ADCY5: variants seen among roughly 807,000 people sequenced by gnomAD.
ADCY5 encodes adenylate cyclase type 5.
In ADCY5, 30 loss-of-function variants were observed where a neutral mutation model predicts 119.7. That is an observed-to-expected ratio of 0.25 (90% CI 0.19 to 0.34). The LOEUF (loss-of-function observed/expected upper bound fraction) is 0.34, where lower values mean the gene tolerates loss of function less well. ADCY5 is among the 10% of genes least tolerant of loss of function. ADCY5 has a pLI of 1.00. For missense variants in ADCY5, 1,324 were observed against 1,775.2 expected, an observed-to-expected ratio of 0.75 and a Z score of 4.57; for synonymous variants, 753 against 762.2, an observed-to-expected ratio of 0.99 and a Z score of 0.20.
chr3:123,427,080 T>G (rs992497613), intron 1 of ADCY5, among the ~76,000 whole-genome samples: 2 of 152,114 alleles, frequency 1.3e-5, no homozygotes, highest in African/African-American at 2.4e-5. Flanking sequence ...TTAGTGCCAC[T>G]GGTAACCAAG....
chr3:123,353,481 A>G (rs1942921695), intron 1 of ADCY5, among the ~76,000 whole-genome samples: 1 of 152,164 alleles, frequency 6.6e-6, no homozygotes, highest in South Asian at 2.1e-4. Context: ...TTGGGGCCAC[A>G]TGGAACAGAG....
chr3:123,322,375 TG>T (rs1941264796), intron 8 of ADCY5, among the ~76,000 whole-genome samples: 1 of 152,244 alleles, frequency 6.6e-6, no homozygotes, highest in Non-Finnish European at 1.5e-5. Flanking sequence ...CTGCTGAGGC[TG>T]GTGCATGGGA....
chr3:123,430,473 GAGA>G (rs1262928644), intron 1 of ADCY5, among the ~76,000 whole-genome samples: 2 of 152,174 alleles, frequency 1.3e-5, no homozygotes, highest in Non-Finnish European at 2.9e-5. Context: ...CGAGGCCTCG[GAGA>G]AGGAGGACCG....
At chr3:123,408,800 A>T (rs574181988) in intron 1 of ADCY5, among the ~76,000 whole-genome samples, 2 of 152,124 alleles carry the variant, frequency 1.3e-5, no homozygotes, top group African/African-American at 4.8e-5. Context: ...ACATGGTGAA[A>T]CCCCATCTCT....
At position 123,325,400 on chromosome 3, in the gene ADCY5, G is replaced by A. The variant is rs1024365012; in HGVS notation, c.2010C>T (p.Asn670=). The change falls in exon 8 of 21, where the codon AAC becomes AAT. Residue 670 remains asparagine, a synonymous_variant. Coordinates refer to ENST00000462833, the MANE Select transcript of ADCY5 (RefSeq NM_183357.3). Reference sequence around the variant, plus strand: ...GGCGCTCAGCCCCCCAGTGTGGTGGGTTGTGCCCGATGGAGTTGGTTCTCT... The same window carrying A: ...GGCGCTCAGCCCCCCAGTGTGGTGGATTGTGCCCGATGGAGTTGGTTCTCT... ...NRQRTNSIGH[N]PPHWGAERPF... 6.2e-7 allele frequency: 1 copy of A among 1,614,206 alleles called. No individual in the cohort carries two copies. Among genetic ancestry groups the A allele is most frequent in the Non-Finnish European group, 8.5e-7 (1 of 1,180,024 alleles).
At chr3:123,321,034 A>C (rs572550318) in intron 8 of ADCY5, among the ~76,000 whole-genome samples, 1 of 152,080 alleles carries the variant, frequency 6.6e-6, no homozygotes, top group Non-Finnish European at 1.5e-5. Context: ...CCATGTGTCT[A>C]AGCTCTTCCT....
intron 1 of ADCY5, among the ~76,000 whole-genome samples, chr3:123,428,514 A>C (rs901124798): frequency 6.6e-6 from 1 of 152,160 alleles, no homozygotes; most frequent in Non-Finnish European, 1.5e-5. Context: ...GTCCTCTGAG[A>C]ATCACCAGGC....
intron 1 of ADCY5, among the ~76,000 whole-genome samples, chr3:123,420,714 C>T (rs892148793): frequency 3.3e-5 from 5 of 152,228 alleles, no homozygotes; most frequent in Non-Finnish European, 5.9e-5. Context: ...ACCATACCCC[C>T]TTCAGATCCT....
At chr3:123,445,868 T>G (rs1453570940) in intron 1 of ADCY5, among the ~76,000 whole-genome samples, 1 of 152,160 alleles carries the variant, frequency 6.6e-6, no homozygotes, top group South Asian at 2.1e-4. Flanking sequence ...TGTGCATCCA[T>G]GGAGGTTACA....
intron 1 of ADCY5, among the ~76,000 whole-genome samples, chr3:123,366,440 G>A (rs1943440294): frequency 6.6e-6 from 1 of 152,228 alleles, no homozygotes; most frequent in South Asian, 2.1e-4. Context: ...ATTTCAGATG[G>A]TACACCCAGC....
rs2108384391 is a variant in ADCY5 at position 123,327,641 on chromosome 3, T to C, written c.1924A>G (p.Ile642Val). The change falls in exon 7 of 21, where the codon ATC (isoleucine) becomes GTC (valine). Residue 642 changes from isoleucine (I) to valine (V), a missense_variant. Physicochemically the swap from Ile to Val is conservative, Grantham distance 29. Coordinates refer to ENST00000462833, the MANE Select transcript of ADCY5 (RefSeq NM_183357.3). ...LKEHSIETFLILRCTQKRKEE... is the reference protein window; with the variant it reads ...LKEHSIETFLVLRCTQKRKEE... ...ACCCGCTTCTGGGTGCAGCGCAGGA[T>C]GAGGAAGGTCTCGATACTGTGCTCC... 1 of 1,613,520 alleles carries C rather than the reference T, an allele frequency of 6.2e-7. No homozygotes were observed. The highest frequency in any genetic ancestry group is 1.3e-5 in the African/African-American group (1 of 74,996).
At chr3:123,409,024 A>C (rs2107620701) in intron 1 of ADCY5, among the ~76,000 whole-genome samples, 1 of 152,330 alleles carries the variant, frequency 6.6e-6, no homozygotes, top group Non-Finnish European at 1.5e-5. Context: ...ATTTACTTAC[A>C]TAAAAATGTA....
intron 3 of ADCY5, among the ~76,000 whole-genome samples, chr3:123,336,652 C>A (rs1942042057): frequency 1.3e-5 from 2 of 152,200 alleles, no homozygotes; most frequent in African/African-American, 4.8e-5. Flanking sequence ...CCCAGACACA[C>A]AAGGCAGACA....
At chr3:123,357,104 C>T (rs879438336) in intron 1 of ADCY5, among the ~76,000 whole-genome samples, 3 of 152,002 alleles carry the variant, frequency 2.0e-5, no homozygotes, top group African/African-American at 4.8e-5. Flanking sequence ...AGGGGCAGCA[C>T]AAGGAAACCT....
At chr3:123,311,878 A>T (rs1488540976) in intron 12 of ADCY5, among the ~76,000 whole-genome samples, 1 of 152,000 alleles carries the variant, frequency 6.6e-6, no homozygotes, top group Non-Finnish European at 1.5e-5. Flanking sequence ...AGGCCTCTGC[A>T]GCACAGAGGC....
At chr3:123,398,231 C>G (rs9815903) in intron 1 of ADCY5, among the ~76,000 whole-genome samples, 1 of 152,060 alleles carries the variant, frequency 6.6e-6, no homozygotes, top group East Asian at 1.9e-4. Context: ...TAACAAAGTT[C>G]CCCCCTGCCA....
At chr3:123,353,370 C>A (rs982736256) in intron 1 of ADCY5, among the ~76,000 whole-genome samples, 25 of 152,208 alleles carry the variant, frequency 1.6e-4, no homozygotes, top group African/African-American at 5.8e-4. Context: ...CAAGGTTATA[C>A]GGTACATTCA....
chr3:123,410,281 T>G (rs1945011517), intron 1 of ADCY5, among the ~76,000 whole-genome samples: 1 of 152,070 alleles, frequency 6.6e-6, no homozygotes, highest in Non-Finnish European at 1.5e-5. Context: ...AAAGACTCCC[T>G]CCAGGGCAGC....
chr3:123,321,961 T>C (rs1941242033), intron 8 of ADCY5, among the ~76,000 whole-genome samples: 1 of 152,208 alleles, frequency 6.6e-6, no homozygotes, highest in African/African-American at 2.4e-5. Flanking sequence ...GGCAGTTGTC[T>C]GCCTAGGCAA....
Sources: gnomAD v4.1 joint callset for allele counts (sites outside exome capture counted in the v4.1 genomes callset) on GRCh38, gnomAD v4.1.1 for gene constraint, MANE v1.5 for transcripts, NCBI Gene and HGNC (gene_info 2026-07-23, HGNC 2026-07-21) for gene names.